The following PCDHA2 variants were observed in gnomAD, a reference collection of about 807,000 sequenced individuals.
The protein encoded by PCDHA2 is protocadherin alpha 2.
PCDHA2 carries 58 observed loss-of-function variants against 66.0 expected under a neutral mutation model. The ratio of observed to expected loss-of-function variants is 0.88; its 90% CI spans 0.71 to 1.09. PCDHA2 has a LOEUF of 1.09. Ranked by LOEUF, PCDHA2 falls within the 50% of genes least tolerant of loss-of-function variation. The pLI is 0.00. For missense variants in PCDHA2, 1,267 were observed against 1,242.3 expected, an observed-to-expected ratio of 1.02 and a Z score of -0.30; for synonymous variants, 634 against 554.0, an observed-to-expected ratio of 1.14 and a Z score of -2.03.
At chr5:140,997,563 A>G (rs891862395) in intron 3 of PCDHA2, among the ~76,000 whole-genome samples, 7 of 152,202 alleles carry the variant, frequency 4.6e-5, no homozygotes, top group Non-Finnish European at 8.8e-5. Context: ...GACAACTGTC[A>G]TATGTGTGGT....
intron 1 of PCDHA2, chr5:140,822,506 C>T (rs2150116897): frequency 2.5e-6 from 4 of 1,613,830 alleles, no homozygotes; most frequent in Non-Finnish European, 2.5e-6. Flanking sequence ...TTTGATAAAT[C>T]CATTTATAAT....
At chr5:140,941,424 C>A (rs909959554) in intron 1 of PCDHA2, among the ~76,000 whole-genome samples, 2 of 148,790 alleles carry the variant, frequency 1.3e-5, no homozygotes, top group African/African-American at 5.0e-5. Flanking sequence ...TCAAGCAATT[C>A]TCTGCCTCAG....
Position 140,795,554 on chromosome 5 carries a change from G to T in PCDHA2, c.590G>T (p.Gly197Val). 5 of 1,614,160 alleles carry T rather than the reference G, an allele frequency of 3.1e-6. No homozygotes were observed. The highest frequency in any genetic ancestry group is 4.2e-6 in the Non-Finnish European group (5 of 1,180,036). Residue 197 changes from glycine to valine, a missense_variant, in exon 1 of 4, where the codon GGG becomes GTG. Coordinates refer to ENST00000526136, the MANE Select transcript of PCDHA2 (RefSeq NM_018905.3). Reference protein sequence around the residue: ...ELSESLSLVLGKSLDREETAE... With the variant: ...ELSESLSLVLVKSLDREETAE... Reference sequence around the variant, plus strand: ...AGCGAATCTTTGTCTCTCGTGCTGGGGAAATCGCTGGACAGAGAGGAAACT... The same window carrying T: ...AGCGAATCTTTGTCTCTCGTGCTGGTGAAATCGCTGGACAGAGAGGAAACT...
At chr5:140,942,667 CA>C (rs2153659637) in intron 1 of PCDHA2, among the ~76,000 whole-genome samples, 1 of 151,384 alleles carries the variant, frequency 6.6e-6, no homozygotes, top group South Asian at 2.1e-4. Flanking sequence ...GCAATAAGCA[CA>C]AAAGTTTTAG....
chr5:140,807,044 C>T, intron 1 of PCDHA2: 2 of 1,002,562 alleles, frequency 2.0e-6, no homozygotes, highest in Non-Finnish European at 2.9e-6. Flanking sequence ...GGGAAAATTC[C>T]TTCTATTCTT....
At chr5:140,808,543 T>G (rs143191768) in intron 1 of PCDHA2, 34,370 of 1,614,050 alleles carry the variant, frequency 0.021, 441 homozygotes, top group Non-Finnish European at 0.026. Context: ...ACGACAACGC[T>G]CCGGCGTTCG....
rs180868237 is a variant in PCDHA2 at position 140,870,334 on chromosome 5, G to A, written c.2388+72982G>A. 21 of 1,614,166 alleles carry A rather than the reference G, an allele frequency of 1.3e-5. No individual in the cohort carries two copies. The Admixed American group carries it at 2.3e-4, about 18-fold the overall frequency. On this transcript the variant is annotated intron_variant, in intron 1 of 3. Transcript: ENST00000526136. ...TTACTACTCGTTGGTGCTGGACAGC[G>A]CCCTGGACCGCGAGAACGTGTGGGC...
chr5:140,923,719 G>A (rs906860011), intron 1 of PCDHA2, among the ~76,000 whole-genome samples: 5 of 152,182 alleles, frequency 3.3e-5, no homozygotes, highest in African/African-American at 1.2e-4. Context: ...GAATAAGAAT[G>A]CAATGTTATG....
At chr5:140,955,163 TTTGG>T (rs1445630947) in intron 1 of PCDHA2, among the ~76,000 whole-genome samples, 2 of 152,184 alleles carry the variant, frequency 1.3e-5, no homozygotes, top group Admixed American at 6.5e-5. Flanking sequence ...ACCGTGCTGT[TTTGG>T]TTACTGTAGT....
chr5:140,861,388 G>T, intron 1 of PCDHA2: 1 of 450,376 alleles, frequency 2.2e-6, no homozygotes, highest in African/African-American at 2.0e-5. Context: ...CAGGACCTGG[G>T]TCTGGAGCTT....
At chr5:140,829,705 C>G (rs2150172886) in intron 1 of PCDHA2, 4 of 1,613,374 alleles carry the variant, frequency 2.5e-6, no homozygotes, top group East Asian at 4.5e-5. Context: ...TGAGCGCGCG[C>G]GACGCGGGCG....
At chr5:140,881,143 A>G (rs1554171794) in intron 1 of PCDHA2, among the ~76,000 whole-genome samples, 1 of 152,228 alleles carries the variant, frequency 6.6e-6, no homozygotes, top group Non-Finnish European at 1.5e-5. Flanking sequence ...AGTTATAACA[A>G]TAGATAAAAG....
chr5:140,973,863 T>C (rs868937124), intron 1 of PCDHA2, among the ~76,000 whole-genome samples: 1 of 152,224 alleles, frequency 6.6e-6, no homozygotes. Context: ...TTGCTCTCAA[T>C]GAGAGGTCAG....
chr5:140,870,493 AAGG>A, intron 1 of PCDHA2: 1 of 1,614,214 alleles, frequency 6.2e-7, no homozygotes, highest in Non-Finnish European at 8.5e-7. Context: ...CGTGTTCGTG[AAGG>A]AGAACAACCC....
At chr5:140,889,705 CA>C (rs1440108575) in intron 1 of PCDHA2, among the ~76,000 whole-genome samples, 2 of 152,132 alleles carry the variant, frequency 1.3e-5, no homozygotes, top group Non-Finnish European at 1.5e-5. Flanking sequence ...GCATATTCCA[CA>C]AGTTCTTTGC....
chr5:141,010,233 G>C lies in PCDHA2; in HGVS notation c.*296G>C, dbSNP rs1156230400. ...AAGGAGAGGCTTCCCAGCCCCGCCA[G>C]TGAGAGGTTGGACTCTCTGCCCTGT... On this transcript the variant is annotated 3_prime_UTR_variant, in exon 4 of 4. Transcript: ENST00000526136. 1.9e-6 allele frequency: 3 copies of C among 1,551,812 alleles called. No homozygotes were observed. The highest frequency in any genetic ancestry group is 2.6e-6 in the Non-Finnish European group (3 of 1,147,042).
At chr5:140,841,880 G>C (rs1777553890) in intron 1 of PCDHA2, 18 of 1,613,708 alleles carry the variant, frequency 1.1e-5, no homozygotes, top group Non-Finnish European at 1.4e-5. Flanking sequence ...TTCAAAGAAC[G>C]ATGAGAATAA....
At chr5:140,892,349 T>C (rs1266203354) in intron 1 of PCDHA2, among the ~76,000 whole-genome samples, 2 of 152,248 alleles carry the variant, frequency 1.3e-5, no homozygotes, top group Admixed American at 6.5e-5. Context: ...TAATTGACTT[T>C]TGCCAGGCAT....
intron 1 of PCDHA2, among the ~76,000 whole-genome samples, chr5:140,963,165 A>G (rs775997183): frequency 2.6e-5 from 4 of 152,110 alleles, no homozygotes; most frequent in Non-Finnish European, 5.9e-5. Flanking sequence ...GACACATGCC[A>G]TCTTACAGAT....
Sources: allele counts gnomAD v4.1 joint callset (sites outside exome capture counted in the v4.1 genomes callset), GRCh38; gene constraint gnomAD v4.1.1; transcripts MANE v1.5; gene names NCBI Gene and HGNC (gene_info 2026-07-23, HGNC 2026-07-21).